RBFOX1: variants seen among roughly 807,000 people sequenced by gnomAD.
RBFOX1 encodes RNA binding fox-1 homolog 1, also known as RNA binding protein fox-1 homolog 1.
Under a neutral mutation model 57.7 loss-of-function variants are expected in RBFOX1, and 8 were observed. The observed-to-expected ratio is 0.14, with a 90% CI of 0.08 to 0.25. The LOEUF (loss-of-function observed/expected upper bound fraction) is 0.25. RBFOX1 is among the 10% of genes least tolerant of loss of function. The pLI is 1.00. For synonymous variants in RBFOX1, 326 were observed against 222.4 expected (o/e 1.47, Z -4.15); for missense variants, 611 against 548.5 (o/e 1.11, Z -1.14).
intron 2 of RBFOX1, among the ~76,000 whole-genome samples, chr16:6,453,774 T>TA (rs1220490921): frequency 1.3e-5 from 2 of 152,204 alleles, no homozygotes; most frequent in Admixed American, 6.5e-5. Flanking sequence ...AATTTAAATG[T>TA]AAAAATTCAG....
At chr16:6,680,179 A>G (rs971554537) in intron 3 of RBFOX1, among the ~76,000 whole-genome samples, 13 of 151,790 alleles carry the variant, frequency 8.6e-5, no homozygotes, top group African/African-American at 2.2e-4. Flanking sequence ...TAGAATAGCA[A>G]TTTCGTATGG....
intron 2 of RBFOX1, among the ~76,000 whole-genome samples, chr16:5,505,608 G>A (rs1015676578): frequency 3.3e-5 from 5 of 152,170 alleles, no homozygotes; most frequent in Non-Finnish European, 7.3e-5. Flanking sequence ...CAGGCACTGT[G>A]CTGAATACTG....
At chr16:5,968,149 A>G (rs2059887635) in intron 4 of RBFOX1, among the ~76,000 whole-genome samples, 1 of 152,116 alleles carries the variant, frequency 6.6e-6, no homozygotes, top group Non-Finnish European at 1.5e-5. Flanking sequence ...ATCTTGGCTC[A>G]CTGCAACCTC....
At chr16:6,905,153 G>T (rs572077014) in intron 3 of RBFOX1, among the ~76,000 whole-genome samples, 1 of 152,052 alleles carries the variant, frequency 6.6e-6, no homozygotes, top group African/African-American at 2.4e-5. Flanking sequence ...CAGTTGGTCA[G>T]GGTTTTCAAA....
chr16:5,931,757 T>C (rs982514998), intron 4 of RBFOX1, among the ~76,000 whole-genome samples: 2 of 152,170 alleles, frequency 1.3e-5, no homozygotes, highest in Non-Finnish European at 2.9e-5. Context: ...ACCCGTCTCA[T>C]GCATATACCC....
chr16:6,427,177 T>C (rs954880233), intron 2 of RBFOX1, among the ~76,000 whole-genome samples: 4 of 152,220 alleles, frequency 2.6e-5, no homozygotes, highest in African/African-American at 9.6e-5. Flanking sequence ...TTAAATGTTA[T>C]AAAGTGAAGG....
intron 3 of RBFOX1, among the ~76,000 whole-genome samples, chr16:6,945,712 G>A (rs1401712793): frequency 6.6e-6 from 1 of 152,130 alleles, no homozygotes; most frequent in Non-Finnish European, 1.5e-5. Flanking sequence ...CCAACATGGT[G>A]AAAACCCGTC....
intron 3 of RBFOX1, among the ~76,000 whole-genome samples, chr16:7,024,763 C>G (rs1314630091): frequency 6.6e-6 from 1 of 152,182 alleles, no homozygotes; most frequent in Non-Finnish European, 1.5e-5. Context: ...ACAGTGCATT[C>G]AATGTTGAGT....
At chr16:5,901,131 C>T (rs192292655) in intron 4 of RBFOX1, among the ~76,000 whole-genome samples, 77 of 152,266 alleles carry the variant, frequency 5.1e-4, no homozygotes, top group South Asian at 8.3e-4. Flanking sequence ...TTAAGTCTGG[C>T]GTCTCAGCAG....
intron 4 of RBFOX1, among the ~76,000 whole-genome samples, chr16:7,457,001 C>T (rs2058660412): frequency 6.6e-6 from 1 of 152,106 alleles, no homozygotes; most frequent in South Asian, 2.1e-4. Flanking sequence ...AGCAATTCTG[C>T]CTCAGCCTCC....
chr16:6,167,249 G>A (rs545078164), intron 1 of RBFOX1, among the ~76,000 whole-genome samples: 8 of 152,328 alleles, frequency 5.3e-5, no homozygotes, highest in South Asian at 2.1e-4. Flanking sequence ...CAAGTTTGCC[G>A]AAGTTGCTCT....
At chr16:7,511,894 T>A (rs537362329) in intron 4 of RBFOX1, among the ~76,000 whole-genome samples, 1 of 152,280 alleles carries the variant, frequency 6.6e-6, no homozygotes, top group African/African-American at 2.4e-5. Flanking sequence ...ATCTTGGCCT[T>A]CTTTCATCCT....
intron 3 of RBFOX1, among the ~76,000 whole-genome samples, chr16:7,030,763 T>A (rs2042583597): frequency 6.6e-6 from 1 of 152,226 alleles, no homozygotes; most frequent in Non-Finnish European, 1.5e-5. Context: ...CAACCCATTA[T>A]ACAAAGTTAT....
chr16:7,483,224 T>C (rs561091014), intron 4 of RBFOX1, among the ~76,000 whole-genome samples: 8 of 152,224 alleles, frequency 5.3e-5, no homozygotes, highest in Non-Finnish European at 1.0e-4. Flanking sequence ...CATCAAACTA[T>C]TTTGGGTCCC....
At chr16:7,040,956 C>T (rs956529299) in intron 3 of RBFOX1, among the ~76,000 whole-genome samples, 2 of 151,700 alleles carry the variant, frequency 1.3e-5, no homozygotes, top group Non-Finnish European at 2.9e-5. Flanking sequence ...TGCTCTGTCC[C>T]CCAGGCTGGA....
intron 1 of RBFOX1, among the ~76,000 whole-genome samples, chr16:6,040,549 A>ATTCTTTCTTTCTTTCT (rs140819240): frequency 8.6e-5 from 13 of 151,158 alleles, no homozygotes; most frequent in African/African-American, 2.9e-4. Flanking sequence ...TGAATTAATC[A>ATTCTTTCTTTCTTTCT]TTCTTTCTTT....
intron 4 of RBFOX1, among the ~76,000 whole-genome samples, chr16:7,324,354 G>A (rs1220094522): frequency 6.6e-6 from 1 of 152,004 alleles, no homozygotes; most frequent in Non-Finnish European, 1.5e-5. Flanking sequence ...AGTGGCCTCT[G>A]TGTCCAGCTC....
chr16:6,769,536 A>G (rs750499254), intron 3 of RBFOX1, among the ~76,000 whole-genome samples: 1 of 152,230 alleles, frequency 6.6e-6, no homozygotes, highest in East Asian at 1.9e-4. Context: ...TTTAATAAAC[A>G]TCAGGCTGTT....
intron 4 of RBFOX1, among the ~76,000 whole-genome samples, chr16:7,108,838 C>A (rs777958242): frequency 6.6e-6 from 1 of 152,098 alleles, no homozygotes; most frequent in African/African-American, 2.4e-5. Flanking sequence ...CAAGGATGGA[C>A]TAGTGAAACG....
Sources: allele counts gnomAD v4.1 joint callset (sites outside exome capture counted in the v4.1 genomes callset), GRCh38; gene constraint gnomAD v4.1.1; transcripts MANE v1.5; gene names NCBI Gene and HGNC (gene_info 2026-07-23, HGNC 2026-07-21).